The following CNST variants were observed in gnomAD, a reference collection of about 807,000 sequenced individuals.
The protein encoded by CNST is consortin, connexin sorting protein, also known as consortin.
Under a neutral mutation model 72.4 loss-of-function variants are expected in CNST, and 39 were observed. The ratio of observed to expected loss-of-function variants is 0.54; its 90% confidence interval spans 0.42 to 0.70. The LOEUF (loss-of-function observed/expected upper bound fraction) is 0.70. CNST is among the 30% of genes least tolerant of loss of function. CNST has a pLI of 0.00. For synonymous variants in CNST, 332 were observed against 320.1 expected, an observed-to-expected ratio of 1.04 and a Z score of -0.40; for missense variants, 871 against 868.5, an observed-to-expected ratio of 1.00 and a Z score of -0.04.
intron 10 of CNST, among the ~76,000 whole-genome samples, chr1:246,663,770 A>G (rs568333455): frequency 1.3e-5 from 2 of 152,150 alleles, no homozygotes; most frequent in Non-Finnish European, 2.9e-5. Context: ...TTAAAATGTA[A>G]ATTTCAGAGC....
At chr1:246,665,598 C>T (rs1433340175) in intron 10 of CNST, 102 bp from the exon 11 acceptor site, 6 of 953,022 alleles carry the variant, frequency 6.3e-6, no homozygotes, top group Non-Finnish European at 9.9e-6. Context: ...CGTAGAGGAC[C>T]AACAGTAGAA....
Position 246,648,907 on chromosome 1 carries a change from G to C in CNST, c.1836+870G>C, listed in dbSNP as rs931534468. On this transcript the variant is annotated intron_variant, in intron 9 of 10. Coordinates refer to ENST00000366513, the MANE Select transcript of CNST (RefSeq NM_152609.3). Reference sequence around the variant, plus strand: ...AGGGGGAAAATGAAAAAGTAACAAAGCCAAAGTAGACAGTAAAATATATGT... The same window carrying C: ...AGGGGGAAAATGAAAAAGTAACAAACCCAAAGTAGACAGTAAAATATATGT... 2.0e-5 allele frequency among the ~76,000 whole-genome samples: 3 copies of C among 152,124 alleles called. No individual in the cohort carries two copies. The South Asian group carries it at 6.2e-4, about 32-fold the overall frequency.
At chr1:246,657,201 A>G (rs1183855580) in intron 9 of CNST, among the ~76,000 whole-genome samples, 5 of 152,048 alleles carry the variant, frequency 3.3e-5, no homozygotes, top group Admixed American at 6.6e-5. Flanking sequence ...ACTGCGCCCA[A>G]AACTCTCGCA....
At chr1:246,615,397 G>A (rs1049506594) in intron 2 of CNST, among the ~76,000 whole-genome samples, 19 of 151,794 alleles carry the variant, frequency 1.3e-4, no homozygotes, top group African/African-American at 1.7e-4. Context: ...GGATGGTCTC[G>A]ATCTCCTGAC....
chr1:246,666,670 G>C lies in CNST; in HGVS notation c.*765G>C, dbSNP rs1220636679. 2.0e-5 allele frequency: 3 copies of C among 152,192 alleles called. No individual in the cohort carries two copies. Among genetic ancestry groups the C allele is most frequent in the Admixed American group, 2.0e-4 (3 of 15,278 alleles). The allele number at this position is 152,192 out of a possible 1,614,324, so 9.4% of individuals were successfully genotyped here. ...GCCAGAAATTAATCACAGGCCTAGA[G>C]ACCAAAGAAAAAGCTCCCCTGAGTC... is the stretch of plus-strand genomic sequence containing the variant. On this transcript the variant is annotated 3_prime_UTR_variant, in exon 11 of 11. Coordinates refer to ENST00000366513, the MANE Select transcript of CNST (RefSeq NM_152609.3).
At chr1:246,608,504 A>T (rs1663077691) in intron 2 of CNST, among the ~76,000 whole-genome samples, 1 of 152,260 alleles carries the variant, frequency 6.6e-6, no homozygotes, top group South Asian at 2.1e-4. Flanking sequence ...GCTTATTGAC[A>T]TGTTCTACAT....
chr1:246,626,150 A>G (rs1307922344), intron 3 of CNST, among the ~76,000 whole-genome samples: 2 of 151,328 alleles, frequency 1.3e-5, no homozygotes, highest in African/African-American at 4.9e-5. Flanking sequence ...CACGGGTTCA[A>G]GTAGTCTTCC....
At chr1:246,651,482 C>T (rs1327563038) in intron 9 of CNST, among the ~76,000 whole-genome samples, 5 of 152,094 alleles carry the variant, frequency 3.3e-5, no homozygotes, top group African/African-American at 4.8e-5. Flanking sequence ...AGCCTTGGCT[C>T]CAGTGGAATT....
rs761812960 is a variant in CNST, at chr1:246,660,186, T to C, written c.1837-13T>C. 1.9e-6 allele frequency: 3 copies of C among 1,596,992 alleles called. No individual in the cohort carries two copies. The highest frequency in any genetic ancestry group is 2.2e-5 in the East Asian group (1 of 44,732). ...TTAATAAAAGAATTATAGGTTCTTA[T>C]AATTTCTGACAGGTTGTTCCTACTG... On this transcript the variant is annotated splice_polypyrimidine_tract_variant and intron_variant, in intron 9 of 10. Coordinates refer to ENST00000366513, the MANE Select transcript of CNST (RefSeq NM_152609.3).
At chr1:246,634,787 C>T (rs1311928247) in intron 6 of CNST, among the ~76,000 whole-genome samples, 200 bp downstream of exon 6, 1 of 152,230 alleles carries the variant, frequency 6.6e-6, no homozygotes, top group Non-Finnish European at 1.5e-5. Flanking sequence ...TGGAGCATCA[C>T]GCTGTTTTAA....
intron 1 of CNST, among the ~76,000 whole-genome samples, chr1:246,585,666 T>TATAC (rs1356841234): frequency 9.8e-6 from 1 of 101,592 alleles, no homozygotes; most frequent in African/African-American, 4.0e-5. Flanking sequence ...AAAAAAAATA[T>TATAC]ACACACACAC....
At chr1:246,615,303 G>A (rs1572181219) in intron 2 of CNST, among the ~76,000 whole-genome samples, 1 of 152,020 alleles carries the variant, frequency 6.6e-6, no homozygotes, top group Non-Finnish European at 1.5e-5. Context: ...AGCCTCCCGC[G>A]TAGCTGGGAC....
chr1:246,638,057 G>A (rs550459381), intron 6 of CNST, among the ~76,000 whole-genome samples: 6 of 152,280 alleles, frequency 3.9e-5, no homozygotes, highest in African/African-American at 1.4e-4. Flanking sequence ...TCTCTGGAAC[G>A]CGGCTGGAAA....
At chr1:246,652,419 G>T (rs1666498856) in intron 9 of CNST, among the ~76,000 whole-genome samples, 1 of 152,190 alleles carries the variant, frequency 6.6e-6, no homozygotes, top group Admixed American at 6.5e-5. Context: ...GAAATTGAAT[G>T]TTGGATACAT....
chr1:246,642,132 G>GTTTTTTTTTTTTT lies in CNST; in HGVS notation c.937+95_937+96insTTTTTTTTTTTTT, dbSNP rs1491252940. 256 of 198,316 alleles carry GTTTTTTTTTTTTT rather than the reference G, an allele frequency of 1.3e-3. 41 individuals are homozygous for GTTTTTTTTTTTTT. The African/African-American group carries it at 0.013, about 10-fold the overall frequency. The allele number at this position is 198,316 out of a possible 1,614,324, so 12.3% of individuals were successfully genotyped here. A position where few individuals can be genotyped will look rare whatever the true frequency, so the allele number is the denominator to read the frequency against. On this transcript the variant is annotated intron_variant, in intron 8 of 10. Coordinates refer to ENST00000366513, the MANE Select transcript of CNST (RefSeq NM_152609.3). ...ACATCTGAATTGCTGCAAAGGATCTGGTTTTTTTTTTTTTTTTTTTTTGCA... is the reference window on the plus strand; with the variant it reads ...ACATCTGAATTGCTGCAAAGGATCTGTTTTTTTTTTTTTGTTTTTTTTTTTTTTTTTTTTTGCA...
chr1:246,601,441 G>A (rs1309672746), intron 2 of CNST, among the ~76,000 whole-genome samples: 1 of 152,164 alleles, frequency 6.6e-6, no homozygotes, highest in East Asian at 1.9e-4. Context: ...TAAGGACAAA[G>A]CAGATCTTGT....
intron 1 of CNST, among the ~76,000 whole-genome samples, chr1:246,583,409 A>G (rs1056656983): frequency 6.6e-5 from 10 of 152,220 alleles, no homozygotes; most frequent in African/African-American, 2.4e-4. Flanking sequence ...TCTTCTTTGT[A>G]GCAAAGTTTT....
chr1:246,566,938 C>T, intron 1 of CNST: 2 of 328,190 alleles, frequency 6.1e-6, no homozygotes, highest in East Asian at 4.6e-5. Flanking sequence ...GTTCCTCACC[C>T]GGCTCCTGGA....
chr1:246,659,201 T>C (rs1341162767), intron 9 of CNST, among the ~76,000 whole-genome samples: 1 of 152,206 alleles, frequency 6.6e-6, no homozygotes, highest in Admixed American at 6.5e-5. Context: ...TTCAGATGAA[T>C]CGGCTCAGCT....
Sources: allele counts gnomAD v4.1 joint callset (sites outside exome capture counted in the v4.1 genomes callset), GRCh38; gene constraint gnomAD v4.1.1; transcripts MANE v1.5; gene names NCBI Gene and HGNC (gene_info 2026-07-23, HGNC 2026-07-21).